HDAC4: variants seen among roughly 807,000 people sequenced by gnomAD.
The protein encoded by HDAC4 is histone deacetylase A.
A neutral mutation model predicts 135.1 loss-of-function variants in HDAC4; 16 were observed. The ratio of observed to expected loss-of-function variants is 0.12; its 90% CI spans 0.08 to 0.18. The LOEUF (loss-of-function observed/expected upper bound fraction) is 0.18. Ranked by LOEUF, HDAC4 falls within the 10% of genes least tolerant of loss-of-function variation. The pLI is 1.00. For missense variants in HDAC4, 1,143 were observed against 1,511.8 expected, an observed-to-expected ratio of 0.76 and a Z score of 4.05; for synonymous variants, 685 against 653.4, an observed-to-expected ratio of 1.05 and a Z score of -0.74.
At chr2:239,175,619 C>G (rs1040501124) in intron 5 of HDAC4, among the ~76,000 whole-genome samples, 2 of 152,224 alleles carry the variant, frequency 1.3e-5, no homozygotes, top group African/African-American at 2.4e-5. Flanking sequence ...GTGGAAGGAG[C>G]AGATAGCAAG....
At chr2:239,070,215 T>C (rs1255588097) in intron 22 of HDAC4, among the ~76,000 whole-genome samples, 1 of 152,170 alleles carries the variant, frequency 6.6e-6, no homozygotes, top group Admixed American at 6.5e-5. Context: ...TGTTCCTTAC[T>C]CACCCTGGAA....
chr2:239,073,472 A>G (rs1352691542), intron 22 of HDAC4, among the ~76,000 whole-genome samples: 3 of 152,354 alleles, frequency 2.0e-5, no homozygotes, highest in African/African-American at 7.2e-5. Context: ...TGCCCAAGAC[A>G]GGACAGACAG....
intron 2 of HDAC4, among the ~76,000 whole-genome samples, chr2:239,260,712 C>T (rs933760591): frequency 6.6e-6 from 1 of 152,166 alleles, no homozygotes; most frequent in Non-Finnish European, 1.5e-5. Context: ...GATGTGAGGT[C>T]CCCCTGCTGC....
intron 2 of HDAC4, among the ~76,000 whole-genome samples, chr2:239,294,417 G>A (rs1323062802): frequency 1.3e-5 from 2 of 152,136 alleles, no homozygotes; most frequent in Non-Finnish European, 1.5e-5. Flanking sequence ...GAGCCTACCT[G>A]GCTCCCAGGG....
rs548143192 is a variant in HDAC4 at position 239,299,491 on chromosome 2, C to T, written c.22+53187G>A. Reference sequence around the variant, plus strand: ...GGGTGCCGAAACCAGAAGAGACATGCACACGAGGCAGGGCGAGTGGTGTTT... The same window carrying T: ...GGGTGCCGAAACCAGAAGAGACATGTACACGAGGCAGGGCGAGTGGTGTTT... On this transcript the variant is annotated intron_variant, in intron 2 of 26. Transcript: ENST00000543185. This position sits in a 1 kb window ranked among gnomAD's most constrained non-coding sequence, Gnocchi z 4.0. 9.6e-4 allele frequency among the ~76,000 whole-genome samples: 146 copies of T among 152,234 alleles called. 1 individual carries two copies. Among genetic ancestry groups the T allele is most frequent in the African/African-American group, 3.3e-3 (137 of 41,530 alleles).
intron 2 of HDAC4, among the ~76,000 whole-genome samples, chr2:239,333,895 T>C (rs942051150): frequency 6.6e-6 from 1 of 152,216 alleles, no homozygotes; most frequent in African/African-American, 2.4e-5. Context: ...CTCTTGATAT[T>C]AGAATAAGAC....
chr2:239,280,264 G>A (rs1054038331), intron 2 of HDAC4, among the ~76,000 whole-genome samples: 9 of 152,194 alleles, frequency 5.9e-5, no homozygotes, highest in African/African-American at 1.4e-4. Context: ...GCTGATGTGC[G>A]AGTGCCTCGT....
chr2:239,356,319 A>C (rs1215835445), intron 1 of HDAC4, among the ~76,000 whole-genome samples: 4 of 152,232 alleles, frequency 2.6e-5, no homozygotes, highest in African/African-American at 9.6e-5. Context: ...ATCAGTGAGC[A>C]TATCAAACTG....
intron 5 of HDAC4, among the ~76,000 whole-genome samples, chr2:239,173,339 A>G (rs1394286328): frequency 1.3e-5 from 2 of 152,244 alleles, no homozygotes; most frequent in African/African-American, 4.8e-5. Context: ...TAAAAATGCC[A>G]GTTAGAATTT....
intron 2 of HDAC4, among the ~76,000 whole-genome samples, chr2:239,312,530 G>A (rs1054722315): frequency 1.3e-5 from 2 of 152,210 alleles, no homozygotes; most frequent in African/African-American, 2.4e-5. Flanking sequence ...AAATGTCCCC[G>A]ACTGTCCTCC....
Position 239,400,414 on chromosome 2 carries a change from G to A in HDAC4, c.-220+564C>T, listed in dbSNP as rs1696888606. 6.8e-6 allele frequency: 1 copy of A among 146,330 alleles called. No homozygotes were observed. Among genetic ancestry groups the A allele is most frequent in the Admixed American group, 6.8e-5 (1 of 14,764 alleles). The allele number at this position is 146,330 out of a possible 1,614,324, so 9.1% of individuals were successfully genotyped here. On this transcript the variant is annotated intron_variant, in intron 1 of 26. Coordinates refer to ENST00000543185, the MANE Select transcript of HDAC4 (RefSeq NM_001378414.1). The surrounding 1 kb of genome is among the most constrained non-coding windows in gnomAD (Gnocchi z 4.7). ...CGCGGGCCCCGCACCGGGAGACGGC[G>A]CCGCTGCCTGCCGTGCCCACCCCCG...
chr2:239,273,426 A>G (rs1361467484), intron 2 of HDAC4, among the ~76,000 whole-genome samples: 1 of 152,246 alleles, frequency 6.6e-6, no homozygotes, highest in Non-Finnish European at 1.5e-5. Flanking sequence ...TGGTAAATAA[A>G]GAAAGCCTTT....
At chr2:239,246,627 G>A (rs1333384442) in intron 2 of HDAC4, among the ~76,000 whole-genome samples, 4 of 152,234 alleles carry the variant, frequency 2.6e-5, no homozygotes, top group Non-Finnish European at 5.9e-5. Flanking sequence ...GGAGAACAGC[G>A]TTTCCTGGAG....
intron 2 of HDAC4, among the ~76,000 whole-genome samples, chr2:239,274,941 T>C (rs1248150475): frequency 6.6e-6 from 1 of 152,218 alleles, no homozygotes; most frequent in Non-Finnish European, 1.5e-5. Context: ...AAGGCTTTCT[T>C]ACAAGTAATC....
chr2:239,288,344 C>T (rs917162900), intron 2 of HDAC4, among the ~76,000 whole-genome samples: 5 of 152,196 alleles, frequency 3.3e-5, no homozygotes, highest in Admixed American at 1.3e-4. Flanking sequence ...TGTCAAACAT[C>T]ATACTTAAAT....
chr2:239,337,235 G>C (rs1011825120), intron 2 of HDAC4, among the ~76,000 whole-genome samples: 8 of 152,210 alleles, frequency 5.3e-5, no homozygotes, highest in South Asian at 2.1e-4. Flanking sequence ...GAAATGGCAA[G>C]GCTCGGAGAC....
At chr2:239,110,633 G>T (rs776689317) in intron 14 of HDAC4, among the ~76,000 whole-genome samples, 8 of 152,244 alleles carry the variant, frequency 5.3e-5, no homozygotes, top group Non-Finnish European at 7.3e-5. Context: ...GCAGACTGCA[G>T]AACACTAAGC....
At chr2:239,107,813 C>A (rs937562633) in intron 15 of HDAC4, among the ~76,000 whole-genome samples, 5 of 152,284 alleles carry the variant, frequency 3.3e-5, no homozygotes, top group Non-Finnish European at 7.4e-5. Context: ...AGGTCACAGA[C>A]AGAGGCAGCA....
intron 24 of HDAC4, among the ~76,000 whole-genome samples, chr2:239,062,451 G>C: frequency 6.6e-6 from 1 of 152,250 alleles, no homozygotes; most frequent in East Asian, 1.9e-4. Flanking sequence ...GTGCATTAAA[G>C]AGACTTTTAA....
Sources: allele counts gnomAD v4.1 joint callset (sites outside exome capture counted in the v4.1 genomes callset), GRCh38; gene constraint gnomAD v4.1.1; non-coding constraint Gnocchi (gnomAD v3.1); transcripts MANE v1.5; gene names NCBI Gene and HGNC (gene_info 2026-07-23, HGNC 2026-07-21).